Variants in ROBO2 observed in about 807,000 individuals in gnomAD.
ROBO2 encodes roundabout guidance receptor 2, also known as roundabout homolog 2.
ROBO2 carries 53 observed loss-of-function variants against 160.8 expected under a neutral mutation model. That is an observed-to-expected ratio of 0.33 (90% CI 0.26 to 0.41). The LOEUF (loss-of-function observed/expected upper bound fraction) is 0.41. Among genes scored for constraint, ROBO2 ranks in the 10% least tolerant of loss-of-function variants. The probability of loss-of-function intolerance (pLI) is 1.00; values close to 1 mark genes in which losing one functional copy is unlikely to be tolerated. For synonymous variants in ROBO2, 664 were observed against 611.7 expected (o/e 1.09, Z -1.26); for missense variants, 1,577 against 1,722.4 (o/e 0.92, Z 1.49).
At chr3:76,321,894 C>A (rs965547297) in intron 2 of ROBO2, among the ~76,000 whole-genome samples, 1 of 151,894 alleles carries the variant, frequency 6.6e-6, no homozygotes, top group African/African-American at 2.4e-5. Flanking sequence ...GAGTACTTTT[C>A]CCTCATTACA....
intron 2 of ROBO2, among the ~76,000 whole-genome samples, chr3:76,155,387 T>C (rs1164859420): frequency 6.6e-6 from 1 of 151,842 alleles, no homozygotes; most frequent in African/African-American, 2.4e-5. Context: ...ATCAGCAAAA[T>C]AGACTATGAA....
chr3:77,613,906 G>A (rs948543624), intron 21 of ROBO2, among the ~76,000 whole-genome samples: 1 of 152,078 alleles, frequency 6.6e-6, no homozygotes, highest in African/African-American at 2.4e-5. Context: ...ACAAGATATG[G>A]GATTTAGCCT....
chr3:77,302,743 A>G (rs574348012), intron 2 of ROBO2, among the ~76,000 whole-genome samples: 1 of 152,346 alleles, frequency 6.6e-6, no homozygotes, highest in South Asian at 2.1e-4. Flanking sequence ...AGATAGAATA[A>G]TGCATTAATA....
chr3:77,033,008 C>T (rs898180045), intron 2 of ROBO2, among the ~76,000 whole-genome samples: 1 of 152,152 alleles, frequency 6.6e-6, no homozygotes, highest in African/African-American at 2.4e-5. Context: ...TAGTACACTC[C>T]AATGACCCTA....
intron 2 of ROBO2, among the ~76,000 whole-genome samples, chr3:76,495,976 T>G (rs557415239): frequency 1.3e-5 from 2 of 152,320 alleles, no homozygotes; most frequent in Admixed American, 6.5e-5. Flanking sequence ...CTTCTTGAGG[T>G]CAGAAAAGTA....
At chr3:77,150,212 T>C (rs1191079247) in intron 2 of ROBO2, among the ~76,000 whole-genome samples, 4 of 152,180 alleles carry the variant, frequency 2.6e-5, no homozygotes, top group African/African-American at 4.8e-5. Context: ...AGACGGCAGA[T>C]AAAATTTTTA....
intron 2 of ROBO2, among the ~76,000 whole-genome samples, chr3:75,949,704 C>T (rs945220229): frequency 6.6e-6 from 1 of 152,016 alleles, no homozygotes; most frequent in African/African-American, 2.4e-5. Context: ...ACACATGGTG[C>T]TGTATGAGCA....
intron 2 of ROBO2, among the ~76,000 whole-genome samples, chr3:77,235,699 A>T (rs941120097): frequency 6.6e-6 from 1 of 152,254 alleles, no homozygotes; most frequent in South Asian, 2.1e-4. Context: ...AAAAGCATCC[A>T]TTGGAAAAAT....
At chr3:77,313,919 A>AAAGGTCT (rs2063752746) in intron 2 of ROBO2, among the ~76,000 whole-genome samples, 4 of 152,292 alleles carry the variant, frequency 2.6e-5, no homozygotes, top group Admixed American at 2.6e-4. Context: ...TATTTTTAAA[A>AAAGGTCT]AAGGTCTAAG....
chr3:77,174,375 A>G (rs894902343), intron 2 of ROBO2, among the ~76,000 whole-genome samples: 8 of 152,064 alleles, frequency 5.3e-5, no homozygotes, highest in African/African-American at 1.4e-4. Context: ...TATACAATCT[A>G]GAAACAATTA....
chr3:77,282,054 A>G (rs2060275887), intron 2 of ROBO2, among the ~76,000 whole-genome samples: 1 of 152,100 alleles, frequency 6.6e-6, no homozygotes, highest in South Asian at 2.1e-4. Context: ...ATTTACTACA[A>G]TGTAAATGCT....
At position 77,577,680 on chromosome 3, in the gene ROBO2, G is replaced by A. The variant is rs535641186; in HGVS notation, c.2328+66G>A. On this transcript the variant is annotated intron_variant, in intron 15 of 25. Transcript: ENST00000461745. ...TCCCAGAGAAATCTCAGTGTCTCAC[G>A]AATGAGACACATCTCTAAAGGTTCT... The A allele has an allele frequency of 1.0e-4, 154 of 1,532,988 alleles. No individual in the cohort carries two copies. The African/African-American group carries it at 1.0e-3, about 10-fold the overall frequency. 95.0% of individuals were successfully genotyped at this position (1,532,988 alleles called of 1,614,324 possible).
chr3:77,043,963 TC>T lies in ROBO2; in HGVS notation c.61+3118del, dbSNP rs541120580. On this transcript the variant is annotated intron_variant, in intron 1 of 25. Transcript: ENST00000461745. ...AGGTTTATACATGTTGCTAAAGTGC[TC>T]TTTTTCAGTAATGGGCTTATTATCA... 3.3e-3 allele frequency among the ~76,000 whole-genome samples: 508 copies of T among 152,272 alleles called. 2 individuals are homozygous for T. Among genetic ancestry groups the T allele is most frequent in the African/African-American group, 0.012 (496 of 41,574 alleles).
rs1392124173 is a variant in ROBO2 at position 77,202,578 on chromosome 3, G to GT, written c.388+104244dup. Among the ~76,000 whole-genome samples the GT allele has an allele frequency of 3.3e-5, 5 of 152,212 alleles. No individual in the cohort carries two copies. The East Asian group carries it at 9.7e-4, about 29-fold the overall frequency. On this transcript the variant is annotated intron_variant, in intron 2 of 25. Coordinates refer to ENST00000461745, the Ensembl canonical transcript of ROBO2. ...AAAAATTATTATTCATAGATAATTT[G>GT]TTTTTTCTTAGCATGAGTAATGAAA...
chr3:77,123,864 GATAC>G (rs1660635387), intron 2 of ROBO2, among the ~76,000 whole-genome samples: 1 of 136,586 alleles, frequency 7.3e-6, no homozygotes, highest in Admixed American at 7.3e-5. Context: ...TAGATACATA[GATAC>G]ATATATAGAT....
At chr3:76,025,468 A>C (rs1412810592) in intron 2 of ROBO2, among the ~76,000 whole-genome samples, 1 of 151,742 alleles carries the variant, frequency 6.6e-6, no homozygotes, top group African/African-American at 2.4e-5. Context: ...TCTTTATTGA[A>C]AACATTGACA....
chr3:77,113,136 GC>G lies in ROBO2; in HGVS notation c.388+14797del, dbSNP rs551974657. Among the ~76,000 whole-genome samples the G allele has an allele frequency of 3.3e-5, 5 of 152,324 alleles. No homozygotes were observed. The East Asian group carries it at 9.6e-4, about 29-fold the overall frequency. On this transcript the variant is annotated intron_variant, in intron 2 of 25. Coordinates refer to ENST00000461745, the Ensembl canonical transcript of ROBO2. Reference sequence around the variant, plus strand: ...ATTTCAAAATCCATTGAGATTGTAAGCAATTAAATCAATTGCATTTTGTAGA... The same window carrying G: ...ATTTCAAAATCCATTGAGATTGTAAGAATTAAATCAATTGCATTTTGTAGA...
chr3:77,383,890 A>G (rs1216981426), intron 2 of ROBO2, among the ~76,000 whole-genome samples: 1 of 152,152 alleles, frequency 6.6e-6, no homozygotes. Context: ...GATCTCAAAT[A>G]AACGGCTTCA....
intron 1 of ROBO2, among the ~76,000 whole-genome samples, chr3:77,062,958 T>A (rs2066470367): frequency 6.6e-6 from 1 of 152,172 alleles, no homozygotes; most frequent in Non-Finnish European, 1.5e-5. Flanking sequence ...TACATTTTTT[T>A]TAATAATAAA....
Sources: gnomAD v4.1 joint callset for allele counts (sites outside exome capture counted in the v4.1 genomes callset) on GRCh38, gnomAD v4.1.1 for gene constraint, MANE v1.5 for transcripts, NCBI Gene and HGNC (gene_info 2026-07-23, HGNC 2026-07-21) for gene names.